PLD1: variants seen among roughly 807,000 people sequenced by gnomAD.
PLD1 encodes the protein phospholipase D1, also known as choline phosphatase 1.
In PLD1, 112 loss-of-function variants were observed where a neutral mutation model predicts 137.1. That is an observed-to-expected ratio of 0.82 (90% CI 0.70 to 0.96). PLD1 has a LOEUF of 0.96. Among genes scored for constraint, PLD1 ranks in the 40% least tolerant of loss-of-function variants. The probability of loss-of-function intolerance (pLI) is 0.00; values close to 1 mark genes in which losing one functional copy is unlikely to be tolerated. For synonymous variants in PLD1, 431 were observed against 454.7 expected (o/e 0.95, Z 0.66); for missense variants, 1,321 against 1,342.0 (o/e 0.98, Z 0.24).
At chr3:171,642,981 A>G in intron 22 of PLD1, 92 bp from the exon 23 acceptor site, 1 of 738,232 alleles carries the variant, frequency 1.4e-6, no homozygotes, top group Non-Finnish European at 2.4e-6. Context: ...CACAAGTAAA[A>G]ACAGAACAAG....
At chr3:171,654,437 TTG>T (rs1737031719) in intron 21 of PLD1, 1 of 191,276 alleles carries the variant, frequency 5.2e-6, no homozygotes, top group African/African-American at 2.4e-5. Context: ...ACTATTTTCA[TTG>T]TGTGTGTCAA....
chr3:171,635,701 C>G (rs1735043591), intron 23 of PLD1, among the ~76,000 whole-genome samples: 1 of 151,942 alleles, frequency 6.6e-6, no homozygotes, highest in Non-Finnish European at 1.5e-5. Context: ...AAATGGTTTT[C>G]TCTCATTCTG....
intron 1 of PLD1, among the ~76,000 whole-genome samples, chr3:171,769,639 A>C (rs1262377379): frequency 6.6e-6 from 1 of 152,252 alleles, no homozygotes; most frequent in African/African-American, 2.4e-5. Context: ...TATAAAATAC[A>C]GTCCACTTTG....
At chr3:171,628,931 A>G (rs1734390005) in intron 23 of PLD1, among the ~76,000 whole-genome samples, 1 of 149,766 alleles carries the variant, frequency 6.7e-6, no homozygotes, top group Non-Finnish European at 1.5e-5. Context: ...AACTGGAAGC[A>G]TTCCCTTTGA....
intron 1 of PLD1, among the ~76,000 whole-genome samples, chr3:171,764,907 GGAAGGAAA>G (rs1392980516): frequency 4.0e-4 from 14 of 35,164 alleles, no homozygotes; most frequent in African/African-American, 1.5e-3. Flanking sequence ...AAGGAAGGAA[GGAAGGAAA>G]GAAAGAAAGG....
chr3:171,714,048 G>T lies in PLD1; in HGVS notation c.759-3C>A. On this transcript the variant is annotated splice_polypyrimidine_tract_variant and splice_region_variant and intron_variant, in intron 8 of 26. Transcript: ENST00000351298. ...AGGAATCTTTCACTATTAACCATCT[G>T]TAAGAAGGTAGTAAGTATTTTTAAA... is the stretch of plus-strand genomic sequence containing the variant. 1 of 1,566,900 alleles carries T rather than the reference G, an allele frequency of 6.4e-7. No individual in the cohort carries two copies. Among genetic ancestry groups the T allele is most frequent in the Admixed American group, 1.7e-5 (1 of 58,702 alleles).
At chr3:171,639,848 C>CTCTCTCTCTCTCTA (rs3050415) in intron 23 of PLD1, among the ~76,000 whole-genome samples, 4 of 110,214 alleles carry the variant, frequency 3.6e-5, no homozygotes, top group African/African-American at 7.8e-5. Flanking sequence ...CTCTCTCTCT[C>CTCTCTCTCTCTCTA]TATATATATA....
chr3:171,682,167 A>G (rs528272587), intron 16 of PLD1, among the ~76,000 whole-genome samples: 51 of 30,038 alleles, frequency 1.7e-3, no homozygotes, highest in Non-Finnish European at 2.7e-3. Flanking sequence ...AAAGAAAGAA[A>G]AAGAAAGAAA....
intron 19 of PLD1, among the ~76,000 whole-genome samples, chr3:171,672,549 G>A (rs913307883): frequency 6.6e-6 from 1 of 150,902 alleles, no homozygotes. Context: ...ATGCAGGGGT[G>A]CAATTATGGC....
intron 1 of PLD1, among the ~76,000 whole-genome samples, chr3:171,799,615 G>A (rs1049852071): frequency 6.6e-6 from 1 of 152,166 alleles, no homozygotes; most frequent in African/African-American, 2.4e-5. Context: ...TGTGCACAGT[G>A]ACTTCTTTCC....
chr3:171,804,693 G>C (rs1723779444), intron 1 of PLD1, among the ~76,000 whole-genome samples: 1 of 152,230 alleles, frequency 6.6e-6, no homozygotes, highest in African/African-American at 2.4e-5. Context: ...ATCCCAATCA[G>C]GGGCTAAGAG....
chr3:171,763,040 A>T (rs1475375098), intron 1 of PLD1, among the ~76,000 whole-genome samples: 1 of 152,174 alleles, frequency 6.6e-6, no homozygotes, highest in African/African-American at 2.4e-5. Context: ...GTAGCTATTC[A>T]TATTGTGAGA....
At chr3:171,688,577 C>T in intron 14 of PLD1, 99 bp downstream of exon 14, 1 of 943,882 alleles carries the variant, frequency 1.1e-6, no homozygotes, top group Non-Finnish European at 1.7e-6. Context: ...CAAGGAGACA[C>T]CATCTCTTAT....
chr3:171,689,041 AAG>A (rs1714867082), intron 13 of PLD1, among the ~76,000 whole-genome samples, 165 bp from the exon 14 acceptor site: 1 of 151,902 alleles, frequency 6.6e-6, no homozygotes, highest in South Asian at 2.1e-4. Flanking sequence ...ATTTAGCAAA[AAG>A]AAAAAGAAAA....
chr3:171,698,056 A>G (rs1715913784), intron 12 of PLD1, among the ~76,000 whole-genome samples: 1 of 152,262 alleles, frequency 6.6e-6, no homozygotes, highest in Non-Finnish European at 1.5e-5. Context: ...AAATGTACTA[A>G]AATAGAATCT....
In PLD1 at chr3:171,612,312, C is replaced by T. The variant is rs372434028; in HGVS notation, c.2849G>A (p.Arg950Gln). 5.1e-5 allele frequency: 82 copies of T among 1,613,988 alleles called. No individual in the cohort carries two copies. Among genetic ancestry groups the T allele is most frequent in the African/African-American group, 1.7e-4 (13 of 74,926 alleles). ...CTGTAGCCGAAGTCCTCGGGCAAAC[C>T]GGCCAGCTTGGTACTCTTTTCCATC... The part of the protein sequence containing the change: ...VMDGKEYQAG[R>Q]FARGLRLQCF... Residue 950 changes from arginine (R) to glutamine (Q), a missense_variant, in exon 25 of 27, where the codon CGG (arginine) becomes CAG (glutamine). By Grantham distance (43) the Arg-to-Gln change is conservative. Coordinates refer to ENST00000351298, the MANE Select transcript of PLD1 (RefSeq NM_002662.5). This position sits in a 1 kb window ranked among gnomAD's most constrained non-coding sequence, Gnocchi z 4.1.
At chr3:171,733,641 AT>A in intron 5 of PLD1, 132 bp from the exon 6 acceptor site, 1 of 549,098 alleles carries the variant, frequency 1.8e-6, no homozygotes, top group East Asian at 3.1e-5. Flanking sequence ...TATTAATATA[AT>A]CATGGAGCAA....
chr3:171,796,291 G>A (rs1723434270), intron 1 of PLD1, among the ~76,000 whole-genome samples: 1 of 152,210 alleles, frequency 6.6e-6, no homozygotes, highest in African/African-American at 2.4e-5. Context: ...CCAAAGAGAT[G>A]TTTAAATTAC....
intron 1 of PLD1, among the ~76,000 whole-genome samples, chr3:171,742,424 C>T (rs369704245): frequency 5.9e-5 from 9 of 152,226 alleles, no homozygotes; most frequent in Admixed American, 5.2e-4. Context: ...TAAAAACAAC[C>T]CACATTCACT....
Sources: allele counts gnomAD v4.1 joint callset (sites outside exome capture counted in the v4.1 genomes callset), GRCh38; gene constraint gnomAD v4.1.1; non-coding constraint Gnocchi (gnomAD v3.1); transcripts MANE v1.5; gene names NCBI Gene and HGNC (gene_info 2026-07-23, HGNC 2026-07-21).